The following ATP9B variants were observed in gnomAD, a reference collection of about 807,000 sequenced individuals.
The protein encoded by ATP9B is ATPase phospholipid transporting 9B.
Under a neutral mutation model 146.1 loss-of-function variants are expected in ATP9B, and 110 were observed. That is an observed-to-expected ratio of 0.75 (90% CI 0.65 to 0.88). The LOEUF (loss-of-function observed/expected upper bound fraction) is 0.88. Ranked by LOEUF, ATP9B falls within the 40% of genes least tolerant of loss-of-function variation. The pLI, the probability that ATP9B is intolerant of heterozygous loss-of-function variation, is 0.00. For synonymous variants in ATP9B, 604 were observed against 569.7 expected (o/e 1.06, Z -0.86); for missense variants, 1,499 against 1,496.4 (o/e 1.00, Z -0.03).
intron 13 of ATP9B, among the ~76,000 whole-genome samples, chr18:79,287,012 C>T (rs537598990): frequency 1.3e-5 from 2 of 152,264 alleles, no homozygotes; most frequent in East Asian, 1.9e-4. Flanking sequence ...CTGCTGGATT[C>T]GGTTTGCCAG....
chr18:79,071,883 G>T (rs1259712263), intron 1 of ATP9B, among the ~76,000 whole-genome samples: 8 of 83,902 alleles, frequency 9.5e-5, no homozygotes, highest in Non-Finnish European at 1.1e-4. Context: ...TTTCATGTTT[G>T]GTTTTGTTTT....
At chr18:79,136,810 C>T (rs1171448972) in intron 5 of ATP9B, among the ~76,000 whole-genome samples, 1 of 152,176 alleles carries the variant, frequency 6.6e-6, no homozygotes, top group African/African-American at 2.4e-5. Flanking sequence ...ACTCACAGTT[C>T]AGCATGGCTG....
At chr18:79,180,415 C>T (rs1022395095) in intron 8 of ATP9B, among the ~76,000 whole-genome samples, 6 of 152,146 alleles carry the variant, frequency 3.9e-5, no homozygotes, top group East Asian at 3.9e-4. Flanking sequence ...TTTAACTTAC[C>T]GCAATATTTC....
chr18:79,245,789 C>CCTACTGACTGAGGAGGGTACCACT (rs2095946859), intron 11 of ATP9B, among the ~76,000 whole-genome samples: 1 of 147,036 alleles, frequency 6.8e-6, no homozygotes, highest in Non-Finnish European at 1.5e-5. Context: ...AGGGCACCAC[C>CCTACTGACTGAGGAGGGTACCACT]CTACTGACTG....
At chr18:79,194,663 A>G (rs1383409694) in intron 9 of ATP9B, 3 of 152,270 alleles carry the variant, frequency 2.0e-5, no homozygotes, top group African/African-American at 7.2e-5. Flanking sequence ...TAACTTTGTT[A>G]CATACCACAC....
intron 1 of ATP9B, among the ~76,000 whole-genome samples, chr18:79,074,348 T>C (rs748101137): frequency 6.6e-6 from 1 of 152,210 alleles, no homozygotes; most frequent in Non-Finnish European, 1.5e-5. Flanking sequence ...GTGTCTGGGT[T>C]GGAGAAGAGG....
intron 1 of ATP9B, among the ~76,000 whole-genome samples, chr18:79,073,088 GCTC>G (rs2146385727): frequency 6.6e-6 from 1 of 152,094 alleles, no homozygotes; most frequent in South Asian, 2.1e-4. Context: ...AGGCGGAGAC[GCTC>G]CTCACTTCCT....
intron 5 of ATP9B, among the ~76,000 whole-genome samples, chr18:79,127,194 T>A (rs57625652): frequency 0.12 from 18,225 of 152,248 alleles, 1,153 homozygotes; most frequent in East Asian, 0.2. Flanking sequence ...TATTGGGCTC[T>A]ATTTCACATA....
chr18:79,179,374 T>C (rs2147978024), intron 8 of ATP9B, among the ~76,000 whole-genome samples: 1 of 152,244 alleles, frequency 6.6e-6, no homozygotes, highest in South Asian at 2.1e-4. Flanking sequence ...ACCTTTGATT[T>C]TATAACTTAT....
chr18:79,106,587 T>C (rs755210156), intron 2 of ATP9B, among the ~76,000 whole-genome samples: 49 of 152,206 alleles, frequency 3.2e-4, no homozygotes, highest in Admixed American at 6.6e-5. Flanking sequence ...GCACATGATA[T>C]GATAGTGGCG....
intron 2 of ATP9B, among the ~76,000 whole-genome samples, chr18:79,109,507 A>G (rs1298322586): frequency 6.6e-6 from 1 of 151,854 alleles, no homozygotes; most frequent in Non-Finnish European, 1.5e-5. Flanking sequence ...AGCTTTTATT[A>G]TCATTAGAAT....
intron 11 of ATP9B, among the ~76,000 whole-genome samples, chr18:79,242,971 T>G (rs2095903905): frequency 6.6e-6 from 1 of 152,262 alleles, no homozygotes; most frequent in South Asian, 2.1e-4. Context: ...AATCTGCCAG[T>G]TCATTTTCCT....
At position 79,359,352 on chromosome 18, in the gene ATP9B, A is replaced by G; in HGVS notation, c.2904-2A>G. The G allele has an allele frequency of 6.2e-7, 1 of 1,609,364 alleles. No individual in the cohort carries two copies. The highest frequency in any genetic ancestry group is 8.5e-7 in the Non-Finnish European group (1 of 1,175,864). On this transcript the variant is annotated splice_acceptor_variant, in intron 25 of 29. Transcript: ENST00000426216. LOFTEE classifies it high-confidence loss of function. ...CATTGCACTCCGCTCTTGGTCTTGC[A>G]GGTATGCCACCATATACACCATGTT...
intron 8 of ATP9B, among the ~76,000 whole-genome samples, chr18:79,192,253 G>T (rs970271409): frequency 1.3e-5 from 2 of 152,070 alleles, no homozygotes; most frequent in Non-Finnish European, 2.9e-5. Flanking sequence ...AGTTTTAGCA[G>T]CCATGACAGA....
chr18:79,078,584 C>T (rs921152958), intron 1 of ATP9B, among the ~76,000 whole-genome samples: 1 of 150,432 alleles, frequency 6.6e-6, no homozygotes, highest in Non-Finnish European at 1.5e-5. Flanking sequence ...TTTAAAATTG[C>T]TTCATTTACT....
chr18:79,328,054 C>CTCTG (rs2096769467), intron 15 of ATP9B, among the ~76,000 whole-genome samples: 62 of 40,204 alleles, frequency 1.5e-3, no homozygotes, highest in African/African-American at 1.8e-3. Flanking sequence ...CGTGCTCTCT[C>CTCTG]TGGTTAGCGT....
chr18:79,080,097 T>C (rs892000401), intron 1 of ATP9B, among the ~76,000 whole-genome samples: 25 of 152,230 alleles, frequency 1.6e-4, no homozygotes, highest in Non-Finnish European at 3.1e-4. Context: ...TTTGTTCTTT[T>C]TGCTTAGGAT....
intron 12 of ATP9B, among the ~76,000 whole-genome samples, chr18:79,265,281 C>T (rs2096190921): frequency 6.6e-6 from 1 of 152,138 alleles, no homozygotes; most frequent in African/African-American, 2.4e-5. Flanking sequence ...TATAGTATTC[C>T]ATGATGTAGA....
Position 79,294,354 on chromosome 18 carries a change from C to T in ATP9B, c.1412-9250C>T, listed in dbSNP as rs117476651. Among the ~76,000 whole-genome samples the T allele has an allele frequency of 7.1e-3, 1,087 of 152,320 alleles. 10 individuals carry two copies. The highest frequency in any genetic ancestry group is 0.012 in the Non-Finnish European group (820 of 68,030). On this transcript the variant is annotated intron_variant, in intron 13 of 29. Coordinates refer to ENST00000426216, the MANE Select transcript of ATP9B (RefSeq NM_198531.5). ...TGGCTGTTTACATCAGAGGAGGCGG[C>T]CAGACACCCTGCTTCCTGATGGAAG...
Sources: allele counts gnomAD v4.1 joint callset (sites outside exome capture counted in the v4.1 genomes callset), GRCh38; gene constraint gnomAD v4.1.1; transcripts MANE v1.5; gene names NCBI Gene and HGNC (gene_info 2026-07-23, HGNC 2026-07-21).